The following ZNF782 variants were observed in gnomAD, a reference collection of about 807,000 sequenced individuals.
ZNF782 encodes zinc finger protein 782.
In ZNF782, 12 loss-of-function variants were observed where a neutral mutation model predicts 13.0. The observed-to-expected ratio is 0.92, with a 90% CI of 0.59 to 1.50. The LOEUF is 1.50. Among genes scored for constraint, ZNF782 ranks in the 40% most tolerant of loss-of-function variants. The pLI, the probability that ZNF782 is intolerant of heterozygous loss-of-function variation, is 0.00. For missense variants in ZNF782, 770 were observed against 822.9 expected (o/e 0.94, Z 0.79); for synonymous variants, 284 against 283.0 (o/e 1.00, Z -0.04).
upstream of ZNF782, among the ~76,000 whole-genome samples, chr9:96,876,967 AAAAAAAGAAG>A (rs1564018363): frequency 3.8e-5 from 5 of 132,484 alleles, 1 homozygote; most frequent in African/African-American, 1.9e-4. Flanking sequence ...AAAAAAAAAA[AAAAAAAGAAG>A]AAGAAGAAAA....
At chr9:96,883,950 A>G in the ZNF782 span, among the ~76,000 whole-genome samples, 10,072 of 152,228 alleles carry the variant, frequency 0.066, 999 homozygotes, top group African/African-American at 0.22. Context: ...AAGCCTTAAG[A>G]AAAGTGTGTT....
At chr9:96,877,477 C>A (rs530731780), upstream of ZNF782, among the ~76,000 whole-genome samples, 4 of 152,370 alleles carry the variant, frequency 2.6e-5, no homozygotes, top group South Asian at 8.3e-4. Context: ...CCTGGGGGTA[C>A]CTGGCAGAGG....
the ZNF782 span, among the ~76,000 whole-genome samples, chr9:96,908,200 T>C: frequency 6.6e-6 from 1 of 151,772 alleles, no homozygotes; most frequent in Non-Finnish European, 1.5e-5. Context: ...GACAGGGTAT[T>C]GCTGCGTTGC....
chr9:96,889,778 G>C, the ZNF782 span: 10 of 152,256 alleles, frequency 6.6e-5, no homozygotes, highest in East Asian at 1.5e-3. Flanking sequence ...GTATGTGTGT[G>C]TGTGTATATG....
At chr9:96,907,627 G>T in the ZNF782 span, among the ~76,000 whole-genome samples, 2 of 150,868 alleles carry the variant, frequency 1.3e-5, no homozygotes, top group Non-Finnish European at 2.9e-5. Flanking sequence ...TCTGTAACTT[G>T]ATAGTGTCTT....
chr9:96,890,936 A>G, the ZNF782 span: 1 of 152,250 alleles, frequency 6.6e-6, no homozygotes, highest in Non-Finnish European at 1.5e-5. Flanking sequence ...CACACAATAG[A>G]ACATTACTCC....
Position 96,864,768 on chromosome 9 carries a change from A to C in ZNF782, c.-456-3165T>G, listed in dbSNP as rs183797755. On this transcript the variant is annotated intron_variant, in intron 1 of 5. Coordinates refer to the ZNF782 transcript ENST00000498811. ...GACAAAGTGCTGGATACAGTGGCTC[A>C]TGTCTGTAATACTAGCACTTTGGGA... Among the ~76,000 whole-genome samples the C allele has an allele frequency of 2.4e-3, 359 of 151,682 alleles. 3 individuals are homozygous for C. Among genetic ancestry groups the C allele is most frequent in the African/African-American group, 8.2e-3 (339 of 41,366 alleles).
At chr9:96,892,580 A>C in the ZNF782 span, 1 of 152,154 alleles carries the variant, frequency 6.6e-6, no homozygotes, top group Non-Finnish European at 1.5e-5. Context: ...CAAATGGGAG[A>C]CATGCCTTTA....
the ZNF782 span, among the ~76,000 whole-genome samples, chr9:96,902,537 T>C: frequency 7.6e-6 from 1 of 131,202 alleles, no homozygotes; most frequent in Non-Finnish European, 1.5e-5. Flanking sequence ...TAGAATTACA[T>C]ATATACAATT....
the ZNF782 span, among the ~76,000 whole-genome samples, chr9:96,912,689 T>C: frequency 0.11 from 16,588 of 149,026 alleles, 400 homozygotes; most frequent in East Asian, 0.47. Flanking sequence ...CCATCACGCC[T>C]GGCTAATTTT....
At chr9:96,886,315 G>C in the ZNF782 span, among the ~76,000 whole-genome samples, 1 of 151,858 alleles carries the variant, frequency 6.6e-6, no homozygotes, top group East Asian at 1.9e-4. Flanking sequence ...CTTAAGACAG[G>C]AAAGAGCATC....
the ZNF782 span, among the ~76,000 whole-genome samples, chr9:96,899,926 A>G: frequency 6.6e-6 from 1 of 151,390 alleles, no homozygotes; most frequent in African/African-American, 2.4e-5. Flanking sequence ...TAGCCTCCTG[A>G]GTAGCTGGGA....
the ZNF782 span, chr9:96,889,776 G>T: frequency 6.6e-6 from 1 of 152,182 alleles, no homozygotes; most frequent in Non-Finnish European, 1.5e-5. Context: ...ATGTATGTGT[G>T]TGTGTGTATA....
chr9:96,927,100 A>G, the ZNF782 span, among the ~76,000 whole-genome samples: 2 of 152,142 alleles, frequency 1.3e-5, no homozygotes, highest in South Asian at 4.1e-4. Context: ...TGTGAAAATG[A>G]GAATGAAGAT....
chr9:96,852,086 C>G, intron 2 of ZNF782, 81 bp from the exon 3 acceptor site: 1 of 898,140 alleles, frequency 1.1e-6, no homozygotes, highest in Non-Finnish European at 1.8e-6. Context: ...CTCAGCAACC[C>G]AGTTGGAGAG....
rs1851549030 is a variant in ZNF782 at position 96,853,077 on chromosome 9, G to C, written c.-261-8C>G. 1 of 152,424 alleles carries C rather than the reference G, an allele frequency of 6.6e-6. No homozygotes were observed. Among genetic ancestry groups the C allele is most frequent in the South Asian group, 2.1e-4 (1 of 4,832 alleles). The allele number at this position is 152,424 out of a possible 1,614,324, so 9.4% of individuals were successfully genotyped here. A position where few individuals can be genotyped will look rare whatever the true frequency, so the allele number is the denominator to read the frequency against. On this transcript the variant is annotated splice_region_variant and splice_polypyrimidine_tract_variant and intron_variant, in intron 1 of 5. Transcript: ENST00000481138. ...TTAACAGCAGTATGGCATCTGTAAA[G>C]AGTGGAGAACAAAGCGACTGGGGGC...
chr9:96,856,747 G>T (rs1057137515), upstream of ZNF782, among the ~76,000 whole-genome samples: 5 of 144,154 alleles, frequency 3.5e-5, no homozygotes, highest in Admixed American at 2.0e-4. Context: ...GCTTAGCAGG[G>T]TTAGAGGAAT....
chr9:96,839,828 C>T (rs1274431620), intron 4 of ZNF782, among the ~76,000 whole-genome samples: 2 of 152,134 alleles, frequency 1.3e-5, no homozygotes, highest in African/African-American at 4.8e-5. Context: ...GAGTATCACT[C>T]CTTATTTGTA....
upstream of ZNF782, among the ~76,000 whole-genome samples, chr9:96,878,797 G>A (rs1851926682): frequency 1.3e-5 from 2 of 152,140 alleles, no homozygotes; most frequent in African/African-American, 4.8e-5. Flanking sequence ...TTGCACAAGA[G>A]CCAAAATGAT....
Sources: gnomAD v4.1 joint callset for allele counts (sites outside exome capture counted in the v4.1 genomes callset) on GRCh38, gnomAD v4.1.1 for gene constraint, MANE v1.5 for transcripts, NCBI Gene and HGNC (gene_info 2026-07-23, HGNC 2026-07-21) for gene names.